ZMIZ2: variants seen among roughly 807,000 people sequenced by gnomAD.
ZMIZ2 encodes the protein zinc finger MIZ-type containing 2.
Under a neutral mutation model 93.9 loss-of-function variants are expected in ZMIZ2, and 26 were observed. That is an observed-to-expected ratio of 0.28 (90% CI 0.20 to 0.38). The LOEUF is 0.38. ZMIZ2 is among the 10% of genes least tolerant of loss of function. The pLI, the probability that ZMIZ2 is intolerant of heterozygous loss-of-function variation, is 1.00. For missense variants in ZMIZ2, 1,023 were observed against 1,235.0 expected (o/e 0.83, Z 2.57); for synonymous variants, 485 against 516.4 (o/e 0.94, Z 0.82).
chr7:44,757,693 T>C (rs1790733883), intron 5 of ZMIZ2, 132 bp downstream of exon 5: 1 of 1,394,972 alleles, frequency 7.2e-7, no homozygotes, highest in Non-Finnish European at 9.4e-7. Context: ...AAAAGAGAGA[T>C]GTGTGGGAAG....
At chr7:44,749,758 CCT>C (rs1223711339) in intron 1 of ZMIZ2, 2 of 152,320 alleles carry the variant, frequency 1.3e-5, no homozygotes, top group Admixed American at 6.5e-5. Context: ...CCTAGGGTAC[CCT>C]CTTTCCAGTA....
rs933972126 is a variant in ZMIZ2, at chr7:44,761,080, G to A, written c.1241-369G>A. 6.6e-6 allele frequency among the ~76,000 whole-genome samples: 1 copy of A among 152,184 alleles called. No homozygotes were observed. The highest frequency in any genetic ancestry group is 6.5e-5 in the Admixed American group (1 of 15,280). On this transcript the variant is annotated intron_variant, in intron 9 of 18. Transcript: ENST00000309315. The surrounding 1 kb of genome is among the most constrained non-coding windows in gnomAD (Gnocchi z 5.8). Reference sequence around the variant, plus strand: ...TTGGGATCGTAGAACTCTAAACAGAGCTATAGGGCAATTGCAGGAGGCTCT... The same window carrying A: ...TTGGGATCGTAGAACTCTAAACAGAACTATAGGGCAATTGCAGGAGGCTCT...
At position 44,768,001 on chromosome 7, in the gene ZMIZ2, C is replaced by CAT. The variant is rs1791885943; in HGVS notation, c.*379_*380dup. 3 of 315,712 alleles carry CAT rather than the reference C, an allele frequency of 9.5e-6. No homozygotes were observed. The highest frequency in any genetic ancestry group is 9.0e-5 in the South Asian group (3 of 33,304). The allele number at this position is 315,712 out of a possible 1,614,324, so 19.6% of individuals were successfully genotyped here. A position where few individuals can be genotyped will look rare whatever the true frequency, so the allele number is the denominator to read the frequency against. On this transcript the variant is annotated 3_prime_UTR_variant, in exon 19 of 19. Coordinates refer to ENST00000309315, the MANE Select transcript of ZMIZ2 (RefSeq NM_031449.4). ...CCCACCCAGCCTGCTTCTTGTCCAG[C>CAT]ATTGATCCTTCTGTTTCAACAACTC...
chr7:44,755,477 T>C (rs1335282857), intron 1 of ZMIZ2, among the ~76,000 whole-genome samples: 2 of 152,166 alleles, frequency 1.3e-5, no homozygotes, highest in Admixed American at 6.5e-5. Context: ...CCTGGAGCCC[T>C]TCTACTACCC....
At chr7:44,749,332 G>C (rs1789928073) in intron 1 of ZMIZ2, among the ~76,000 whole-genome samples, 2 of 152,120 alleles carry the variant, frequency 1.3e-5, no homozygotes, top group Non-Finnish European at 2.9e-5. Flanking sequence ...TCTCCTGAGC[G>C]ATGAAGGCTG....
intron 2 of ZMIZ2, 54 bp from the exon 3 acceptor site, chr7:44,756,371 T>C (rs1790588906): frequency 6.2e-7 from 1 of 1,613,794 alleles, no homozygotes; most frequent in Non-Finnish European, 8.5e-7. Flanking sequence ...GATCCTAGAC[T>C]CTTGGACACC....
Position 44,760,451 on chromosome 7 carries a change from C to A in ZMIZ2, c.1098C>A (p.Pro366=). 1 of 1,614,114 alleles carries A rather than the reference C, an allele frequency of 6.2e-7. No individual in the cohort carries two copies. Among genetic ancestry groups the A allele is most frequent in the Non-Finnish European group, 8.5e-7 (1 of 1,180,000 alleles). The part of the protein sequence containing the change: ...SGPTRSIPGY[P]SSPLPGNPTP... ...CTACCCGTTCCATCCCGGGCTATCC[C>A]AGTTCCCCACTGCCAGGGAACCCCA... The change falls in exon 9 of 19, where the codon CCC becomes CCA. Residue 366 remains proline (P), a synonymous_variant. Transcript: ENST00000309315.
Position 44,759,211 on chromosome 7 carries a change from T to A in ZMIZ2, c.814-70T>A, listed in dbSNP as rs113956317. On this transcript the variant is annotated intron_variant, in intron 6 of 18. Coordinates refer to ENST00000309315, the MANE Select transcript of ZMIZ2 (RefSeq NM_031449.4). ...CCCCGAACCCTGCCACACATGAGAC[T>A]CTACTTCCTTCTGGAACCAGCTCCC... 3.7e-4 allele frequency: 505 copies of A among 1,376,910 alleles called. 3 individuals are homozygous for A. The African/African-American group carries it at 6.3e-3, about 17-fold the overall frequency. The allele number at this position is 1,376,910 out of a possible 1,614,324, so 85.3% of individuals were successfully genotyped here.
chr7:44,748,809 G>A (rs1173865833), upstream of ZMIZ2: 1 of 151,180 alleles, frequency 6.6e-6, no homozygotes, highest in East Asian at 2.0e-4. Flanking sequence ...CGGCTGCGCG[G>A]CGTCATGCAT....
Position 44,769,325 on chromosome 7 carries a change from ATCTG to A in ZMIZ2, c.*1708_*1711del, listed in dbSNP as rs946969185. On this transcript the variant is annotated 3_prime_UTR_variant, in exon 19 of 19. Transcript: ENST00000309315. ...GCCCCTGGAGGCACTAGAGGAGGGC[ATCTG>A]TCTGTGGGAGCCCAGAGGCTGCAGG... The A allele has an allele frequency of 3.3e-5, 5 of 152,792 alleles. No homozygotes were observed. The highest frequency in any genetic ancestry group is 1.2e-4 in the African/African-American group (5 of 41,468). 9.5% of individuals were successfully genotyped at this position (152,792 alleles called of 1,614,324 possible). A position where few individuals can be genotyped will look rare whatever the true frequency, so the allele number is the denominator to read the frequency against.
At chr7:44,753,320 C>T (rs1790321451) in intron 1 of ZMIZ2, among the ~76,000 whole-genome samples, 1 of 151,882 alleles carries the variant, frequency 6.6e-6, no homozygotes, top group Non-Finnish European at 1.5e-5. Flanking sequence ...TCATGTCTCA[C>T]CCCAGCCTCC....
At chr7:44,762,839 TG>T in intron 11 of ZMIZ2, 41 bp from the exon 12 acceptor site, 1 of 1,473,560 alleles carries the variant, frequency 6.8e-7, no homozygotes, top group Non-Finnish European at 9.1e-7. Flanking sequence ...GGGTGGCCCC[TG>T]GCCCAAGTCC....
Position 44,767,882 on chromosome 7 carries a change from T to G in ZMIZ2, c.*259T>G. 2 of 547,580 alleles carry G rather than the reference T, an allele frequency of 3.7e-6. No homozygotes were observed. The highest frequency in any genetic ancestry group is 6.4e-5 in the East Asian group (2 of 31,490). 33.9% of individuals were successfully genotyped at this position (547,580 alleles called of 1,614,324 possible). ...TGCTGCAGAACGGTTTTTGCTGAGG[T>G]GCCCCTGCCCAGCCCTGTCCAGCCT... On this transcript the variant is annotated 3_prime_UTR_variant, in exon 19 of 19. Transcript: ENST00000309315.
In ZMIZ2 at chr7:44,758,085, G is replaced by A. The variant is rs1199851002; in HGVS notation, c.790G>A (p.Gly264Arg). 1 of 1,580,450 alleles carries A rather than the reference G, an allele frequency of 6.3e-7. No individual in the cohort carries two copies. The highest frequency in any genetic ancestry group is 2.3e-5 in the East Asian group (1 of 44,404). The change falls in exon 6 of 19, where the codon GGG becomes AGG. Residue 264 changes from glycine to arginine, a missense_variant. By Grantham distance (125) the Gly-to-Arg change is moderately radical. Transcript: ENST00000309315. ...PPQAQPLPRQ[G>R]VKRTYSEVYP... is the part of the protein sequence containing the mutation. Reference sequence around the variant, plus strand: ...CCAGGCCCAGCCACTGCCCCGACAGGGGGTCAAGAGAACCTACTCTGAGGT... The same window carrying A: ...CCAGGCCCAGCCACTGCCCCGACAGAGGGTCAAGAGAACCTACTCTGAGGT...
chr7:44,764,795 G>A, intron 14 of ZMIZ2, 146 bp from the exon 15 acceptor site: 1 of 800,908 alleles, frequency 1.2e-6, no homozygotes, highest in Non-Finnish European at 2.0e-6. Flanking sequence ...CATAGGGTCA[G>A]CTCACACAGA....
At chr7:44,757,280 A>T in intron 4 of ZMIZ2, 98 bp from the exon 5 acceptor site, 1 of 1,524,550 alleles carries the variant, frequency 6.6e-7, no homozygotes, top group South Asian at 1.2e-5. Context: ...GTCTAGAAAG[A>T]ATGGGCTCCC....
In ZMIZ2 at chr7:44,761,210, G is replaced by C. The variant is rs1791139764; in HGVS notation, c.1241-239G>C. Reference sequence around the variant, plus strand: ...GGTTTAGGGGACACTGGGCTGGACTGCTGAGGCAGGAGGCAAGACAGAACA... The same window carrying C: ...GGTTTAGGGGACACTGGGCTGGACTCCTGAGGCAGGAGGCAAGACAGAACA... On this transcript the variant is annotated intron_variant, in intron 9 of 18. Coordinates refer to ENST00000309315, the MANE Select transcript of ZMIZ2 (RefSeq NM_031449.4). The surrounding 1 kb of genome is among the most constrained non-coding windows in gnomAD (Gnocchi z 5.8). 6.6e-6 allele frequency among the ~76,000 whole-genome samples: 1 copy of C among 152,260 alleles called. No homozygotes were observed. The highest frequency in any genetic ancestry group is 2.4e-5 in the African/African-American group (1 of 41,470).
chr7:44,763,236 C>G lies in ZMIZ2; in HGVS notation c.1703-20C>G. The stretch of plus-strand genomic sequence containing the variant: ...ATCTTGGGGACCCTTTACTCAAGTC[C>G]TTTACCTTGTTGATGTCAGTAAAGC... On this transcript the variant is annotated intron_variant, in intron 12 of 18. Coordinates refer to ENST00000309315, the MANE Select transcript of ZMIZ2 (RefSeq NM_031449.4). This position sits in a 1 kb window ranked among gnomAD's most constrained non-coding sequence, Gnocchi z 5.6. 1 of 1,613,028 alleles carries G rather than the reference C, an allele frequency of 6.2e-7. No homozygotes were observed. Among genetic ancestry groups the G allele is most frequent in the Non-Finnish European group, 8.5e-7 (1 of 1,179,320 alleles).
intron 1 of ZMIZ2, among the ~76,000 whole-genome samples, chr7:44,753,118 T>C (rs1259153988): frequency 6.6e-6 from 1 of 152,240 alleles, no homozygotes; most frequent in African/African-American, 2.4e-5. Context: ...GCTGAGCATC[T>C]TTTCTTATGC....
Sources: allele counts gnomAD v4.1 joint callset (sites outside exome capture counted in the v4.1 genomes callset), GRCh38; gene constraint gnomAD v4.1.1; non-coding constraint Gnocchi (gnomAD v3.1); transcripts MANE v1.5; gene names NCBI Gene and HGNC (gene_info 2026-07-23, HGNC 2026-07-21).